TRIQK: variants seen among roughly 807,000 people sequenced by gnomAD.
TRIQK encodes triple QxxK/R motif containing, also known as triple QxxK/R motif-containing protein.
A neutral mutation model predicts 10.8 loss-of-function variants in TRIQK; 10 were observed. That is an observed-to-expected ratio of 0.92 (90% CI 0.57 to 1.57). TRIQK has a LOEUF of 1.57. TRIQK is among the 40% of genes most tolerant of loss of function. TRIQK has a pLI of 0.00. For synonymous variants in TRIQK, 33 were observed against 33.7 expected, an observed-to-expected ratio of 0.98 and a Z score of 0.07; for missense variants, 107 against 97.7, an observed-to-expected ratio of 1.09 and a Z score of -0.40.
At chr8:92,889,155 T>C (rs983487866) in intron 4 of TRIQK, among the ~76,000 whole-genome samples, 3 of 151,646 alleles carry the variant, frequency 2.0e-5, no homozygotes, top group African/African-American at 7.2e-5. Flanking sequence ...ATATGGAAAT[T>C]GCTAACTGTT....
chr8:92,888,030 A>C (rs2130234291), intron 4 of TRIQK, among the ~76,000 whole-genome samples: 1 of 151,766 alleles, frequency 6.6e-6, no homozygotes, highest in East Asian at 1.9e-4. Flanking sequence ...GCATCTCAAA[A>C]GGGCATGGCA....
chr8:92,968,434 C>A (rs893066378), upstream of TRIQK, among the ~76,000 whole-genome samples: 29 of 152,172 alleles, frequency 1.9e-4, no homozygotes, highest in Admixed American at 1.1e-3. Flanking sequence ...TAAAAGCATT[C>A]CTATTTCTCC....
At chr8:92,946,406 G>A (rs1470442509) in intron 2 of TRIQK, among the ~76,000 whole-genome samples, 1 of 152,128 alleles carries the variant, frequency 6.6e-6, no homozygotes, top group African/African-American at 2.4e-5. Context: ...AAATAAGGGA[G>A]TCCAGTTTTC....
intron 3 of TRIQK, among the ~76,000 whole-genome samples, chr8:92,906,192 G>C (rs1809249997): frequency 6.6e-6 from 1 of 152,096 alleles, no homozygotes; most frequent in African/African-American, 2.4e-5. Context: ...GAAAAGATAC[G>C]ATACTAGTTC....
chr8:92,909,711 T>C (rs1228703529), intron 3 of TRIQK, among the ~76,000 whole-genome samples: 1 of 151,728 alleles, frequency 6.6e-6, no homozygotes. Flanking sequence ...AAAATTCATA[T>C]TAAAAATGCT....
intron 2 of TRIQK, among the ~76,000 whole-genome samples, chr8:92,944,056 A>G (rs1811399447): frequency 6.6e-6 from 1 of 152,212 alleles, no homozygotes; most frequent in Non-Finnish European, 1.5e-5. Flanking sequence ...TGTGCAAAAG[A>G]CCTGAATAGA....
intron 1 of TRIQK, among the ~76,000 whole-genome samples, chr8:92,962,929 G>T (rs928839581): frequency 2.0e-5 from 3 of 152,094 alleles, no homozygotes; most frequent in African/African-American, 7.2e-5. Context: ...ACTCATTTTT[G>T]GTCTCATTTT....
At chr8:92,953,920 C>T (rs144136144) in intron 2 of TRIQK, 342 of 151,866 alleles carry the variant, frequency 2.3e-3, no homozygotes, top group African/African-American at 7.9e-3. Context: ...CTCCACAATA[C>T]ATAAGAAAAA....
chr8:93,007,707 A>C (rs994441968), intron 1 of TRIQK, among the ~76,000 whole-genome samples: 1 of 152,242 alleles, frequency 6.6e-6, no homozygotes, highest in Admixed American at 6.5e-5. Flanking sequence ...GCTGAAAAAC[A>C]CAGCACGAGA....
At chr8:92,970,208 G>A (rs1009384175), upstream of TRIQK, among the ~76,000 whole-genome samples, 3 of 152,172 alleles carry the variant, frequency 2.0e-5, no homozygotes, top group Non-Finnish European at 4.4e-5. Flanking sequence ...GGGCATTTGG[G>A]TTGATTCTAT....
intron 1 of TRIQK, among the ~76,000 whole-genome samples, chr8:93,005,777 A>G (rs1030238556): frequency 6.6e-6 from 1 of 152,090 alleles, no homozygotes; most frequent in Non-Finnish European, 1.5e-5. Flanking sequence ...TCACACTTCT[A>G]TTCAACATTG....
intron 3 of TRIQK, among the ~76,000 whole-genome samples, chr8:92,896,728 A>G (rs1373172118): frequency 1.3e-5 from 2 of 151,610 alleles, no homozygotes; most frequent in African/African-American, 2.4e-5. Context: ...CTTGCTTGGA[A>G]TCTGTTACTA....
chr8:92,961,935 C>T (rs182877388), intron 1 of TRIQK, among the ~76,000 whole-genome samples: 1 of 152,266 alleles, frequency 6.6e-6, no homozygotes, highest in Admixed American at 6.5e-5. Flanking sequence ...CTGTCTTTGC[C>T]TTTTGAGTCA....
upstream of TRIQK, among the ~76,000 whole-genome samples, chr8:92,967,084 T>TA (rs1309185675): frequency 2.0e-5 from 3 of 151,370 alleles, no homozygotes; most frequent in African/African-American, 7.3e-5. Context: ...ATCCAAAATG[T>TA]AATTTTATTT....
At chr8:92,944,458 TAA>T (rs1187374985) in intron 2 of TRIQK, among the ~76,000 whole-genome samples, 3 of 152,140 alleles carry the variant, frequency 2.0e-5, no homozygotes, top group African/African-American at 7.2e-5. Flanking sequence ...GAAATCAACC[TAA>T]GTCTGTATAA....
At chr8:93,000,477 A>G (rs1813198798) in intron 1 of TRIQK, among the ~76,000 whole-genome samples, 1 of 152,166 alleles carries the variant, frequency 6.6e-6, no homozygotes, top group Non-Finnish European at 1.5e-5. Flanking sequence ...TATCATGAGA[A>G]CAGCCTGGGA....
chr8:92,963,321 G>T (rs996216087), intron 1 of TRIQK, among the ~76,000 whole-genome samples: 1 of 152,028 alleles, frequency 6.6e-6, no homozygotes, highest in African/African-American at 2.4e-5. Context: ...GATAAAGCTA[G>T]ATAGGGAATC....
intron 1 of TRIQK, among the ~76,000 whole-genome samples, chr8:92,976,771 C>A (rs1462786827): frequency 6.6e-6 from 1 of 151,754 alleles, no homozygotes; most frequent in Non-Finnish European, 1.5e-5. Context: ...ATTTAATTTC[C>A]TTTGCTGACT....
chr8:92,892,425 C>G (rs1289641874), intron 3 of TRIQK, among the ~76,000 whole-genome samples: 1 of 151,916 alleles, frequency 6.6e-6, no homozygotes, highest in Non-Finnish European at 1.5e-5. Flanking sequence ...ATCCTATTAA[C>G]AGCTAAAGTT....
Sources: gnomAD v4.1 joint callset for allele counts (sites outside exome capture counted in the v4.1 genomes callset) on GRCh38, gnomAD v4.1.1 for gene constraint, MANE v1.5 for transcripts, NCBI Gene and HGNC (gene_info 2026-07-23, HGNC 2026-07-21) for gene names.